NR2C1: variants seen among roughly 807,000 people sequenced by gnomAD.
NR2C1 encodes TR2 nuclear hormone receptor.
NR2C1 carries 33 observed loss-of-function variants against 74.8 expected under a neutral mutation model. That is an observed-to-expected ratio of 0.44 (90% CI 0.33 to 0.59). The LOEUF is 0.59. NR2C1 is among the 20% of genes least tolerant of loss of function. The pLI is 0.02. For synonymous variants in NR2C1, 225 were observed against 240.6 expected, an observed-to-expected ratio of 0.94 and a Z score of 0.60; for missense variants, 568 against 715.6, an observed-to-expected ratio of 0.79 and a Z score of 2.35.
intron 1 of NR2C1, among the ~76,000 whole-genome samples, chr12:95,071,336 T>C (rs1876571626): frequency 1.3e-5 from 2 of 152,258 alleles, no homozygotes; most frequent in African/African-American, 2.4e-5. Flanking sequence ...TAATACTGTC[T>C]GTAAAATTTT....
chr12:95,065,299 C>T (rs1875501109), intron 2 of NR2C1, among the ~76,000 whole-genome samples: 1 of 152,128 alleles, frequency 6.6e-6, no homozygotes. Context: ...TCTCCTGCCT[C>T]AGCCTCCTGA....
At chr12:95,071,219 A>T (rs566204963) in intron 1 of NR2C1, among the ~76,000 whole-genome samples, 5,276 of 150,968 alleles carry the variant, frequency 0.035, 129 homozygotes, top group Middle Eastern at 0.076. Context: ...AAAAAAAAAA[A>T]TTTTGATTCA....
chr12:95,049,057 T>C lies in NR2C1; in HGVS notation c.1131+11A>G. ...CACAACATACAAGTTAAAAAAAACA[T>C]ATAGAAATACCCTGAAAGCTACATG... On this transcript the variant is annotated intron_variant, in intron 9 of 13. Coordinates refer to ENST00000333003, the MANE Select transcript of NR2C1 (RefSeq NM_003297.4). 5 of 1,610,156 alleles carry C rather than the reference T, an allele frequency of 3.1e-6. No homozygotes were observed. The highest frequency in any genetic ancestry group is 4.2e-6 in the Non-Finnish European group (5 of 1,178,038).
At chr12:95,032,226 A>G (rs940487763) in intron 10 of NR2C1, among the ~76,000 whole-genome samples, 18 of 152,344 alleles carry the variant, frequency 1.2e-4, no homozygotes, top group Admixed American at 1.3e-4. Context: ...GGTTCATTGT[A>G]TGTTTCAGAG....
chr12:95,038,887 CAACT>C lies in NR2C1; in HGVS notation c.1253+1585_1253+1588del, dbSNP rs372256052. Among the ~76,000 whole-genome samples, 399 of 152,074 alleles carry C rather than the reference CAACT, an allele frequency of 2.6e-3. 1 individual carries two copies. The highest frequency in any genetic ancestry group is 7.5e-3 in the East Asian group (39 of 5,170). ...ACAAAGTAGAAAAAAGACTCTAACC[CAACT>C]AACTAAAAAAAAATCAATTGCCAAT... On this transcript the variant is annotated intron_variant, in intron 10 of 13. Coordinates refer to ENST00000333003, the MANE Select transcript of NR2C1 (RefSeq NM_003297.4).
chr12:95,031,735 T>C (rs1014844400), intron 10 of NR2C1, among the ~76,000 whole-genome samples: 2 of 152,114 alleles, frequency 1.3e-5, no homozygotes, highest in African/African-American at 4.8e-5. Context: ...ATATTCAAAC[T>C]AAAAAAGTTG....
At chr12:95,054,709 TTATA>T (rs776104929) in intron 7 of NR2C1, among the ~76,000 whole-genome samples, 4 of 152,248 alleles carry the variant, frequency 2.6e-5, no homozygotes, top group African/African-American at 9.6e-5. Context: ...ACTTAGAAGC[TTATA>T]TAGTCTCTTC....
intron 11 of NR2C1, among the ~76,000 whole-genome samples, chr12:95,029,105 A>G (rs540419890): frequency 1.3e-5 from 2 of 152,322 alleles, no homozygotes; most frequent in South Asian, 4.1e-4. Flanking sequence ...TTCTTGAGAC[A>G]GGGTCTCGCT....
At chr12:95,056,199 G>A (rs1873832003) in intron 7 of NR2C1, among the ~76,000 whole-genome samples, 1 of 152,048 alleles carries the variant, frequency 6.6e-6, no homozygotes, top group Middle Eastern at 3.2e-3. Context: ...CTGAGAGGAC[G>A]AGGCTGCAGC....
chr12:95,024,578 C>T (rs974519434), intron 13 of NR2C1, among the ~76,000 whole-genome samples: 4 of 152,088 alleles, frequency 2.6e-5, no homozygotes, highest in African/African-American at 9.7e-5. Context: ...AATTATAAAA[C>T]AATCTAATGG....
intron 11 of NR2C1, chr12:95,030,761 T>A: frequency 1.2e-6 from 2 of 1,609,830 alleles, no homozygotes; most frequent in Non-Finnish European, 1.7e-6. Context: ...ATTTTCCCCA[T>A]TTGTTGATGG....
intron 8 of NR2C1, 47 bp downstream of exon 8, chr12:95,051,715 G>T: frequency 1.5e-5 from 22 of 1,487,702 alleles, no homozygotes; most frequent in Non-Finnish European, 1.9e-5. Context: ...AAGAAATACT[G>T]AAAGACATGT....
intron 11 of NR2C1, among the ~76,000 whole-genome samples, chr12:95,029,121 G>A (rs1451790370): frequency 6.6e-6 from 1 of 152,128 alleles, no homozygotes; most frequent in African/African-American, 2.4e-5. Flanking sequence ...TCGCTCTGTT[G>A]CCCAAGGCTG....
intron 12 of NR2C1, among the ~76,000 whole-genome samples, chr12:95,025,658 TAAAAAAA>T (rs11291964): frequency 9.2e-5 from 8 of 86,562 alleles, no homozygotes; most frequent in African/African-American, 2.3e-4. Context: ...AACTCTGTCT[TAAAAAAA>T]AAAAAAAAAA....
intron 11 of NR2C1, among the ~76,000 whole-genome samples, chr12:95,030,037 C>T (rs915653299): frequency 4.6e-5 from 7 of 152,076 alleles, no homozygotes; most frequent in Non-Finnish European, 7.4e-5. Flanking sequence ...CCATGGCCAG[C>T]TAATTTTTAA....
intron 10 of NR2C1, among the ~76,000 whole-genome samples, chr12:95,034,696 T>G (rs541613752): frequency 1.3e-5 from 2 of 152,226 alleles, no homozygotes; most frequent in African/African-American, 4.8e-5. Flanking sequence ...TGGACACTTC[T>G]CTATGTTTAG....
chr12:95,069,611 G>T (rs1401602937), intron 1 of NR2C1, among the ~76,000 whole-genome samples: 3 of 151,928 alleles, frequency 2.0e-5, no homozygotes, highest in African/African-American at 7.3e-5. Context: ...AATCACTTAG[G>T]GATGCTTTTC....
intron 9 of NR2C1, among the ~76,000 whole-genome samples, chr12:95,046,975 A>C (rs1322065283): frequency 6.6e-6 from 1 of 152,190 alleles, no homozygotes. Context: ...GGAATGACAA[A>C]AGCCAATCCT....
In NR2C1 at chr12:95,059,986, TAAAAAAA is replaced by T. The variant is rs79760875; in HGVS notation, c.286-9_286-3del. On this transcript the variant is annotated splice_region_variant and splice_polypyrimidine_tract_variant and intron_variant, in intron 3 of 13. Coordinates refer to ENST00000333003, the MANE Select transcript of NR2C1 (RefSeq NM_003297.4). ...GTCTGGAGAATTATCTGTTAGGAGC[TAAAAAAA>T]AAAAAAAAAAAAAAGAAAACAAAAA... The T allele has an allele frequency of 4.2e-4, 451 of 1,073,820 alleles. No homozygotes were observed. Among genetic ancestry groups the T allele is most frequent in the Middle Eastern group, 9.8e-4 (3 of 3,054 alleles). The allele number at this position is 1,073,820 out of a possible 1,614,324, so 66.5% of individuals were successfully genotyped here. A position where few individuals can be genotyped will look rare whatever the true frequency, so the allele number is the denominator to read the frequency against.
Sources: gnomAD v4.1 joint callset for allele counts (sites outside exome capture counted in the v4.1 genomes callset) on GRCh38, gnomAD v4.1.1 for gene constraint, MANE v1.5 for transcripts, NCBI Gene and HGNC (gene_info 2026-07-23, HGNC 2026-07-21) for gene names.